EHBP1: variants seen among roughly 807,000 people sequenced by gnomAD.
The protein encoded by EHBP1 is EH domain-binding protein 1.
EHBP1 carries 55 observed loss-of-function variants against 144.0 expected under a neutral mutation model. The observed-to-expected ratio is 0.38, with a 90% CI of 0.31 to 0.48. The LOEUF is 0.48. EHBP1 is among the 20% of genes least tolerant of loss of function. The pLI, the probability that EHBP1 is intolerant of heterozygous loss-of-function variation, is 0.98. For missense variants in EHBP1, 1,200 were observed against 1,364.2 expected, an observed-to-expected ratio of 0.88 and a Z score of 1.90; for synonymous variants, 469 against 472.7, an observed-to-expected ratio of 0.99 and a Z score of 0.10.
Position 62,788,975 on chromosome 2 carries a change from G to A in EHBP1, c.312+17583G>A, listed in dbSNP as rs181386900. ...GGTAGGGAACATGAGAGGAGTCACT[G>A]TGAAAAGCATATGTCCTGTGAAAAT... On this transcript the variant is annotated intron_variant, in intron 5 of 22. Coordinates refer to ENST00000431489, the MANE Select transcript of EHBP1 (RefSeq NM_001142616.3). Among the ~76,000 whole-genome samples the A allele has an allele frequency of 2.9e-4, 44 of 152,322 alleles. 2 individuals are homozygous for A. The highest frequency in any genetic ancestry group is 2.9e-3 in the Admixed American group (44 of 15,300).
At chr2:62,752,756 T>TCTTTGTTTAAAGTGTGTTTTATCACA (rs201656400) in intron 3 of EHBP1, among the ~76,000 whole-genome samples, 22 of 152,294 alleles carry the variant, frequency 1.4e-4, no homozygotes, top group African/African-American at 4.1e-4. Context: ...TCTCTTTTGG[T>TCTTTGTTTAAAGTGTGTTTTATCACA]CTTTGTTTAA....
intron 14 of EHBP1, among the ~76,000 whole-genome samples, chr2:62,966,618 G>T (rs1173480465): frequency 6.6e-6 from 1 of 152,058 alleles, no homozygotes; most frequent in Non-Finnish European, 1.5e-5. Flanking sequence ...GCTTTGGCAT[G>T]AAAATTCAGG....
chr2:62,953,603 T>G (rs531634896), intron 13 of EHBP1, among the ~76,000 whole-genome samples: 68 of 152,058 alleles, frequency 4.5e-4, no homozygotes, highest in African/African-American at 1.5e-3. Context: ...AAAAAACATT[T>G]AAGACCATGA....
At chr2:62,832,443 T>C (rs535069567) in intron 7 of EHBP1, among the ~76,000 whole-genome samples, 7 of 149,176 alleles carry the variant, frequency 4.7e-5, no homozygotes, top group South Asian at 2.1e-4. Context: ...TTTTTCTTTT[T>C]TTTTTTTTTT....
At chr2:62,989,449 A>G (rs2059328587) in intron 15 of EHBP1, among the ~76,000 whole-genome samples, 1 of 152,156 alleles carries the variant, frequency 6.6e-6, no homozygotes, top group Non-Finnish European at 1.5e-5. Flanking sequence ...TAGGTAAAAT[A>G]AGGGGAGAAT....
chr2:62,907,017 A>T (rs1036364291), intron 10 of EHBP1, among the ~76,000 whole-genome samples: 4 of 152,230 alleles, frequency 2.6e-5, no homozygotes, highest in Non-Finnish European at 4.4e-5. Flanking sequence ...CGATATGGTT[A>T]TACCACAGTT....
chr2:62,909,026 G>A (rs1020646427), intron 10 of EHBP1, among the ~76,000 whole-genome samples: 1 of 152,168 alleles, frequency 6.6e-6, no homozygotes, highest in African/African-American at 2.4e-5. Flanking sequence ...ACTCAGTGCT[G>A]TGGGCCTAGA....
At chr2:62,835,250 A>G (rs2047122247) in intron 7 of EHBP1, among the ~76,000 whole-genome samples, 1 of 152,026 alleles carries the variant, frequency 6.6e-6, no homozygotes, top group Non-Finnish European at 1.5e-5. Context: ...ACTTAAATGT[A>G]TTTATATTAC....
intron 2 of EHBP1, 120 bp downstream of exon 2, chr2:62,707,415 G>A (rs2034699364): frequency 2.9e-6 from 2 of 690,150 alleles, no homozygotes; most frequent in Non-Finnish European, 2.5e-6. Flanking sequence ...TAGAAGCTGG[G>A]TGGGGCGCAG....
At chr2:62,835,281 G>C (rs148303846) in intron 7 of EHBP1, among the ~76,000 whole-genome samples, 103 of 151,610 alleles carry the variant, frequency 6.8e-4, no homozygotes, top group African/African-American at 2.4e-3. Context: ...CTTTTATTTT[G>C]GGGCTTTTCT....
chr2:62,839,164 G>C (rs1470501387), intron 7 of EHBP1, among the ~76,000 whole-genome samples: 71 of 150,856 alleles, frequency 4.7e-4, no homozygotes, highest in South Asian at 1.7e-3. Context: ...GGCTTCATCC[G>C]TGGGATGCAA....
intron 5 of EHBP1, among the ~76,000 whole-genome samples, chr2:62,780,571 A>T (rs543081464): frequency 6.6e-6 from 1 of 152,204 alleles, no homozygotes; most frequent in South Asian, 2.1e-4. Flanking sequence ...CATCTCCTTT[A>T]TTCTCAAATG....
chr2:63,004,241 G>A (rs1462724342), intron 19 of EHBP1, among the ~76,000 whole-genome samples: 2 of 151,838 alleles, frequency 1.3e-5, no homozygotes, highest in East Asian at 3.9e-4. Context: ...TAACAGTTCA[G>A]TTCACAATTT....
At chr2:62,698,935 A>G (rs1410446833) in intron 1 of EHBP1, among the ~76,000 whole-genome samples, 1 of 152,224 alleles carries the variant, frequency 6.6e-6, no homozygotes, top group Non-Finnish European at 1.5e-5. Context: ...CCCTTGGCTC[A>G]TGCCCAGTGC....
intron 8 of EHBP1, among the ~76,000 whole-genome samples, chr2:62,863,477 A>G (rs560050564): frequency 6.6e-6 from 1 of 152,256 alleles, no homozygotes; most frequent in African/African-American, 2.4e-5. Context: ...ATTGTTTTCA[A>G]ATTAAAATTT....
chr2:62,895,560 C>G (rs2052843906), intron 10 of EHBP1, among the ~76,000 whole-genome samples: 1 of 152,118 alleles, frequency 6.6e-6, no homozygotes, highest in African/African-American at 2.4e-5. Flanking sequence ...TGTTGGTTTC[C>G]AGGATCAACC....
intron 2 of EHBP1, among the ~76,000 whole-genome samples, chr2:62,729,522 AAATAT>A (rs1236525353): frequency 8.1e-6 from 1 of 123,014 alleles, no homozygotes; most frequent in Non-Finnish European, 1.6e-5. Flanking sequence ...TAAAATAAAT[AAATAT>A]AATATATATA....
At chr2:62,943,376 C>CAAAAAA (rs11306610) in intron 11 of EHBP1, among the ~76,000 whole-genome samples, 62 of 87,816 alleles carry the variant, frequency 7.1e-4, no homozygotes, top group African/African-American at 8.5e-4. Context: ...AACTCCGTCT[C>CAAAAAA]AAAAAAAAAA....
At chr2:63,014,569 T>C (rs1411536779) in intron 19 of EHBP1, among the ~76,000 whole-genome samples, 1 of 152,246 alleles carries the variant, frequency 6.6e-6, no homozygotes, top group Non-Finnish European at 1.5e-5. Context: ...CTCTTTTCTT[T>C]AGCAATCACT....
Sources: gnomAD v4.1 joint callset for allele counts (sites outside exome capture counted in the v4.1 genomes callset) on GRCh38, gnomAD v4.1.1 for gene constraint, MANE v1.5 for transcripts, NCBI Gene and HGNC (gene_info 2026-07-23, HGNC 2026-07-21) for gene names.